Variants in MAML3 observed in about 807,000 individuals in gnomAD.
MAML3 encodes mastermind-like protein 3.
Under a neutral mutation model 101.9 loss-of-function variants are expected in MAML3, and 27 were observed. That is an observed-to-expected ratio of 0.27 (90% CI 0.20 to 0.37). MAML3 has a LOEUF of 0.37. Among genes scored for constraint, MAML3 ranks in the 10% least tolerant of loss-of-function variants. The pLI is 1.00. For missense variants in MAML3, 1,316 were observed against 1,444.9 expected, an observed-to-expected ratio of 0.91 and a Z score of 1.45; for synonymous variants, 501 against 555.9, an observed-to-expected ratio of 0.90 and a Z score of 1.39.
At chr4:139,957,362 C>T (rs993965716) in intron 1 of MAML3, among the ~76,000 whole-genome samples, 1 of 152,170 alleles carries the variant, frequency 6.6e-6, no homozygotes, top group Non-Finnish European at 1.5e-5. Context: ...GAATCAAATC[C>T]AACCAGGCTC....
At chr4:140,102,219 C>T (rs1266497276) in intron 1 of MAML3, among the ~76,000 whole-genome samples, 1 of 152,176 alleles carries the variant, frequency 6.6e-6, no homozygotes, top group Non-Finnish European at 1.5e-5. Flanking sequence ...TGTTTATTCT[C>T]ATATAACTCT....
At chr4:139,841,294 A>G (rs1731356636) in intron 2 of MAML3, among the ~76,000 whole-genome samples, 1 of 152,256 alleles carries the variant, frequency 6.6e-6, no homozygotes, top group African/African-American at 2.4e-5. Context: ...CAGCAAAAAG[A>G]AAAGCAACAA....
chr4:139,831,846 G>A (rs566171291), intron 2 of MAML3, among the ~76,000 whole-genome samples: 2 of 151,250 alleles, frequency 1.3e-5, no homozygotes, highest in South Asian at 2.1e-4. Context: ...AGGCCAGAGT[G>A]CAGTGGTGCG....
chr4:139,828,975 G>GAGGAAGGAAGGAAGGAAGGAAGGA (rs548032946), intron 2 of MAML3, among the ~76,000 whole-genome samples: 13 of 135,188 alleles, frequency 9.6e-5, no homozygotes, highest in Non-Finnish European at 1.6e-4. Context: ...CCTGTTGAAA[G>GAGGAAGGAAGGAAGGAAGGAAGGA]AGGAAGGAAG....
intron 1 of MAML3, among the ~76,000 whole-genome samples, chr4:140,042,165 G>A (rs1160250718): frequency 1.3e-5 from 2 of 152,182 alleles, no homozygotes; most frequent in Non-Finnish European, 2.9e-5. Flanking sequence ...CCAGCACCCA[G>A]CCATTTTATT....
At chr4:139,946,201 T>G (rs1393245807) in intron 1 of MAML3, among the ~76,000 whole-genome samples, 3 of 152,344 alleles carry the variant, frequency 2.0e-5, no homozygotes, top group South Asian at 4.1e-4. Flanking sequence ...GTGCAAGGTG[T>G]GATGAAATCT....
intron 1 of MAML3, among the ~76,000 whole-genome samples, chr4:140,135,798 A>G (rs1728872984): frequency 6.6e-6 from 1 of 152,266 alleles, no homozygotes; most frequent in Non-Finnish European, 1.5e-5. Context: ...TGTGCTGCAC[A>G]GCTGTCAGCC....
intron 1 of MAML3, among the ~76,000 whole-genome samples, chr4:140,042,333 C>T (rs934922496): frequency 2.0e-5 from 3 of 152,174 alleles, no homozygotes; most frequent in Non-Finnish European, 4.4e-5. Flanking sequence ...TCACAGTTGT[C>T]CCTCCCCTAA....
chr4:140,094,928 A>C (rs1467271), intron 1 of MAML3, among the ~76,000 whole-genome samples: 145,039 of 152,314 alleles, frequency 0.95, 69,420 homozygotes, highest in East Asian at 1. Context: ...CCACCCTTCT[A>C]GCTGTGCGTG....
Position 139,737,427 on chromosome 4 carries a change from C to T in MAML3, c.2080-6760G>A, listed in dbSNP as rs117518627. ...TAACATGCATCTGGTCTAAATTGAG[C>T]GGACCACCCAGGAGGATGTTGGAAT... On this transcript the variant is annotated intron_variant, in intron 2 of 4. Transcript: ENST00000509479. Among the ~76,000 whole-genome samples the T allele has an allele frequency of 4.2e-4, 64 of 151,234 alleles. No individual in the cohort carries two copies. The Middle Eastern group carries it at 0.014, about 32-fold the overall frequency.
chr4:139,795,607 C>T lies in MAML3; in HGVS notation c.2080-64940G>A, dbSNP rs116823782. Among the ~76,000 whole-genome samples, 876 of 152,274 alleles carry T rather than the reference C, an allele frequency of 5.8e-3. 6 individuals carry two copies. Among genetic ancestry groups the T allele is most frequent in the African/African-American group, 0.02 (829 of 41,536 alleles). On this transcript the variant is annotated intron_variant, in intron 2 of 4. Coordinates refer to ENST00000509479, the MANE Select transcript of MAML3 (RefSeq NM_018717.5). The stretch of plus-strand genomic sequence containing the variant: ...AAAAGTCACAATTTCTGGTAAGTAA[C>T]GGACTCCATTCTTTTCTCCATAACA...
chr4:139,716,810 ATCACT>A lies in MAML3; in HGVS notation c.*2508_*2512del, dbSNP rs1284428387. On this transcript the variant is annotated 3_prime_UTR_variant, in exon 5 of 5. Transcript: ENST00000509479. ...TTTTCTTTAAAAGTGGTATGTCAAC[ATCACT>A]TCATTTCTACATTTCAGCGTTCTGT... is the stretch of plus-strand genomic sequence containing the variant. 5.2e-5 allele frequency: 8 copies of A among 152,608 alleles called. No individual in the cohort carries two copies. Among genetic ancestry groups the A allele is most frequent in the African/African-American group, 1.9e-4 (8 of 41,472 alleles). The allele number at this position is 152,608 out of a possible 1,614,324, so 9.5% of individuals were successfully genotyped here. A position where few individuals can be genotyped will look rare whatever the true frequency, so the allele number is the denominator to read the frequency against.
At chr4:139,807,141 T>G (rs1186715339) in intron 2 of MAML3, among the ~76,000 whole-genome samples, 1 of 152,226 alleles carries the variant, frequency 6.6e-6, no homozygotes, top group Non-Finnish European at 1.5e-5. Context: ...TTTCTGCCAC[T>G]TGTTGGCTCT....
At position 139,889,444 on chromosome 4, in the gene MAML3, G is replaced by C; in HGVS notation, c.1992C>G (p.Ser664Arg). Residue 664 changes from serine (S) to arginine (R), a missense_variant, in exon 2 of 5, where the codon AGC (serine) becomes AGG (arginine). Coordinates refer to ENST00000509479, the MANE Select transcript of MAML3 (RefSeq NM_018717.5). ...TGAGAAGCAGGCGTTTCTGGTCTTC[G>C]CTCAGGTGTGCCCTGGGGGCCTGGA... ...PQLQAPRAHL[S>R]EDQKRLLLMK... The C allele has an allele frequency of 6.2e-7, 1 of 1,613,984 alleles. No individual in the cohort carries two copies. Among genetic ancestry groups the C allele is most frequent in the Non-Finnish European group, 8.5e-7 (1 of 1,179,896 alleles).
chr4:140,011,141 A>C (rs1397915347), intron 1 of MAML3, among the ~76,000 whole-genome samples: 1 of 98,946 alleles, frequency 1.0e-5, no homozygotes, highest in Non-Finnish European at 1.9e-5. Flanking sequence ...ATATATACAC[A>C]TATGTCATAT....
intron 1 of MAML3, among the ~76,000 whole-genome samples, chr4:140,152,083 C>T (rs1044999824): frequency 6.6e-6 from 1 of 152,186 alleles, no homozygotes; most frequent in Non-Finnish European, 1.5e-5. Flanking sequence ...TTGCTTTCCC[C>T]TCCCGCCCCC....
At chr4:140,033,089 C>T (rs149387023) in intron 1 of MAML3, among the ~76,000 whole-genome samples, 5 of 152,102 alleles carry the variant, frequency 3.3e-5, no homozygotes, top group South Asian at 2.1e-4. Context: ...AAAAAGCATA[C>T]AAGAATAAGG....
chr4:139,950,407 C>T (rs1733812884), intron 1 of MAML3, among the ~76,000 whole-genome samples: 1 of 152,130 alleles, frequency 6.6e-6, no homozygotes, highest in Non-Finnish European at 1.5e-5. Context: ...TTGCCAGCCC[C>T]CACAGTCAAA....
intron 1 of MAML3, among the ~76,000 whole-genome samples, chr4:140,017,033 G>C (rs1032646988): frequency 6.6e-6 from 1 of 152,142 alleles, no homozygotes; most frequent in East Asian, 1.9e-4. Flanking sequence ...CATGTTGGGA[G>C]AAAATATTTG....
Sources: allele counts gnomAD v4.1 joint callset (sites outside exome capture counted in the v4.1 genomes callset), GRCh38; gene constraint gnomAD v4.1.1; transcripts MANE v1.5; gene names NCBI Gene and HGNC (gene_info 2026-07-23, HGNC 2026-07-21).